The following PPME1 variants were observed in gnomAD, a reference collection of about 807,000 sequenced individuals.
PPME1 encodes the protein protein phosphatase methylesterase 1.
Under a neutral mutation model 56.9 loss-of-function variants are expected in PPME1, and 17 were observed. The ratio of observed to expected loss-of-function variants is 0.30; its 90% CI spans 0.20 to 0.45. PPME1 has a LOEUF of 0.45. PPME1 is among the 20% of genes least tolerant of loss of function. The pLI is 1.00. For missense variants in PPME1, 357 were observed against 483.2 expected (o/e 0.74, Z 2.45); for synonymous variants, 122 against 156.2 (o/e 0.78, Z 1.63).
intron 9 of PPME1, among the ~76,000 whole-genome samples, chr11:74,242,741 T>C (rs1178734620): frequency 6.6e-6 from 1 of 151,734 alleles, no homozygotes; most frequent in Non-Finnish European, 1.5e-5. Context: ...TAGCTGGGCG[T>C]GGTGGCGTGC....
intron 1 of PPME1, among the ~76,000 whole-genome samples, chr11:74,188,782 A>G (rs777720247): frequency 1.3e-5 from 2 of 152,162 alleles, no homozygotes; most frequent in Non-Finnish European, 2.9e-5. Flanking sequence ...TCCTTAAAGT[A>G]TATTTATCCC....
Position 74,235,939 on chromosome 11 carries a change from G to A in PPME1, c.683G>A (p.Arg228His), listed in dbSNP as rs1440089111. The A allele has an allele frequency of 6.2e-7, 1 of 1,612,602 alleles. No homozygotes were observed. The highest frequency in any genetic ancestry group is 8.5e-7 in the Non-Finnish European group (1 of 1,179,420). ...CAGATTCGAAATCTGGAGTCTGCCC[G>A]TGTCTCAATGGTTGGCCAAGTCAAA... ...SGQIRNLESA[R>H]VSMVGQVKQC... Residue 228 changes from arginine (R) to histidine (H), a missense_variant, in exon 8 of 14, where the codon CGT becomes CAT. Coordinates refer to ENST00000328257, the MANE Select transcript of PPME1 (RefSeq NM_016147.3).
At chr11:74,235,413 C>T (rs118027538) in intron 7 of PPME1, among the ~76,000 whole-genome samples, 15 of 152,140 alleles carry the variant, frequency 9.9e-5, no homozygotes, top group East Asian at 1.9e-4. Flanking sequence ...ATTATCCTGC[C>T]GACTTTCACA....
chr11:74,230,807 C>T lies in PPME1; in HGVS notation c.554-105C>T. 1.1e-6 allele frequency: 1 copy of T among 911,204 alleles called. No individual in the cohort carries two copies. Among genetic ancestry groups the T allele is most frequent in the Non-Finnish European group, 1.7e-6 (1 of 584,508 alleles). The allele number at this position is 911,204 out of a possible 1,614,324, so 56.4% of individuals were successfully genotyped here. A position where few individuals can be genotyped will look rare whatever the true frequency, so the allele number is the denominator to read the frequency against. On this transcript the variant is annotated intron_variant, in intron 6 of 13. Coordinates refer to ENST00000328257, the MANE Select transcript of PPME1 (RefSeq NM_016147.3). The surrounding 1 kb of genome is among the most constrained non-coding windows in gnomAD (Gnocchi z 4.9). Reference sequence around the variant, plus strand: ...CATCTTTATTTCTCTGCGAGCATCACTAAATTCTGCTGTCATCAAGAGCAG... The same window carrying T: ...CATCTTTATTTCTCTGCGAGCATCATTAAATTCTGCTGTCATCAAGAGCAG...
chr11:74,219,971 G>A (rs1244572532), intron 3 of PPME1, among the ~76,000 whole-genome samples: 2 of 152,070 alleles, frequency 1.3e-5, no homozygotes, highest in Admixed American at 6.6e-5. Context: ...TCATTTGCCC[G>A]ATGTGATGGT....
At chr11:74,210,804 A>G (rs1858452869) in intron 3 of PPME1, among the ~76,000 whole-genome samples, 1 of 152,164 alleles carries the variant, frequency 6.6e-6, no homozygotes, top group African/African-American at 2.4e-5. Flanking sequence ...TTCCTTATAA[A>G]TTACTCAGGC....
rs576864901 is a variant in PPME1 at position 74,212,002 on chromosome 11, A to G, written c.288+7557A>G. Among the ~76,000 whole-genome samples the G allele has an allele frequency of 8.6e-4, 131 of 152,334 alleles. 2 individuals carry two copies. The highest frequency in any genetic ancestry group is 2.9e-3 in the African/African-American group (122 of 41,584). On this transcript the variant is annotated intron_variant, in intron 3 of 13. Transcript: ENST00000328257. ...CCCACAGGAACACCAAATTGAACAA[A>G]TGTCCACACAAAAAAGAACCTTCAT...
At chr11:74,211,788 A>G (rs1305176521) in intron 3 of PPME1, among the ~76,000 whole-genome samples, 1 of 152,228 alleles carries the variant, frequency 6.6e-6, no homozygotes, top group East Asian at 1.9e-4. Flanking sequence ...AAGACAATCC[A>G]GAAGAAAAAT....
chr11:74,226,698 A>T (rs907250516), intron 5 of PPME1, among the ~76,000 whole-genome samples: 1 of 152,202 alleles, frequency 6.6e-6, no homozygotes, highest in Admixed American at 6.5e-5. Flanking sequence ...AAATTGAAGA[A>T]TTGATTGAGA....
intron 12 of PPME1, chr11:74,251,227 T>A (rs745480545): frequency 7.1e-7 from 1 of 1,402,780 alleles, no homozygotes; most frequent in African/African-American, 1.4e-5. Context: ...CTACTGACAC[T>A]CTGCTATTTC....
chr11:74,206,839 A>AT (rs111323796), intron 3 of PPME1, among the ~76,000 whole-genome samples: 15,870 of 152,158 alleles, frequency 0.1, 2,159 homozygotes, highest in African/African-American at 0.32. Flanking sequence ...AGTGCTGAGA[A>AT]TACAGGCGTG....
chr11:74,204,568 A>G, intron 3 of PPME1, 123 bp downstream of exon 3: 1 of 752,222 alleles, frequency 1.3e-6, no homozygotes. Context: ...CCAGGCATAC[A>G]CACAGACTGG....
At chr11:74,231,269 GC>G (rs1160400879) in intron 7 of PPME1, among the ~76,000 whole-genome samples, 1 of 152,146 alleles carries the variant, frequency 6.6e-6, no homozygotes, top group East Asian at 1.9e-4. Context: ...TGTTGCCCAG[GC>G]TGGCTTCAAG....
chr11:74,210,446 A>G (rs1858441717), intron 3 of PPME1, among the ~76,000 whole-genome samples: 1 of 152,206 alleles, frequency 6.6e-6, no homozygotes, highest in African/African-American at 2.4e-5. Flanking sequence ...TGTGTTTTGG[A>G]TATTTGGCCA....
intron 1 of PPME1, among the ~76,000 whole-genome samples, chr11:74,174,011 TC>T (rs927380459): frequency 9.9e-5 from 15 of 152,234 alleles, no homozygotes. Flanking sequence ...CCCGTATCTT[TC>T]TTTTCTACTT....
Position 74,251,692 on chromosome 11 carries a change from A to T in PPME1, c.1119A>T (p.Ala373=). Residue 373 remains alanine (A), a synonymous_variant, in exon 13 of 14, where the codon GCA becomes GCT. Transcript: ENST00000328257. The part of the protein sequence containing the change: ...VATFLIRHRF[A]EPIGGFQCVF... ...CTTTCCTGATCCGGCACAGGTTTGC[A>T]GAACCCATCGGTGGATTCCAGTGGT... is the stretch of plus-strand genomic sequence containing the variant. The T allele has an allele frequency of 6.2e-7, 1 of 1,613,982 alleles. No individual in the cohort carries two copies. Among genetic ancestry groups the T allele is most frequent in the Admixed American group, 1.7e-5 (1 of 60,022 alleles).
At chr11:74,250,203 G>C (rs1171366728) in intron 11 of PPME1, 1 of 152,098 alleles carries the variant, frequency 6.6e-6, no homozygotes, top group Non-Finnish European at 1.5e-5. Context: ...GAGAAAATCT[G>C]CTGTCTCTAC....
chr11:74,210,664 T>G (rs1046214800), intron 3 of PPME1, among the ~76,000 whole-genome samples: 25 of 152,142 alleles, frequency 1.6e-4, no homozygotes, highest in Non-Finnish European at 3.1e-4. Flanking sequence ...TCACATGACC[T>G]TTGCACCTGC....
chr11:74,174,211 T>C (rs1857354065), intron 1 of PPME1, among the ~76,000 whole-genome samples: 1 of 152,150 alleles, frequency 6.6e-6, no homozygotes, highest in Non-Finnish European at 1.5e-5. Context: ...ATGAGGGAAC[T>C]GAGACTCAGA....
Sources: allele counts gnomAD v4.1 joint callset (sites outside exome capture counted in the v4.1 genomes callset), GRCh38; gene constraint gnomAD v4.1.1; non-coding constraint Gnocchi (gnomAD v3.1); transcripts MANE v1.5; gene names NCBI Gene and HGNC (gene_info 2026-07-23, HGNC 2026-07-21).